MALAT1: variants seen among roughly 807,000 people sequenced by gnomAD.
The protein encoded by MALAT1 is metastasis associated lung adenocarcinoma transcript 1.
intron 3 of MALAT1, chr11:65,504,957 A>C (rs1168298295): frequency 1.9e-6 from 1 of 518,756 alleles, no homozygotes; most frequent in Admixed American, 1.9e-5. Flanking sequence ...TTCAGATGGT[A>C]TTCTTCAGAC....
chr11:65,498,681 G>T (rs201052755), intron 1 of MALAT1: 1 of 518,012 alleles, frequency 1.9e-6, no homozygotes, highest in Admixed American at 1.9e-5. Context: ...TCCTTCAAAA[G>T]GTGGTAAACT....
chr11:65,504,982 C>T (rs1172898306), intron 3 of MALAT1: 1 of 518,760 alleles, frequency 1.9e-6, no homozygotes, highest in East Asian at 5.4e-5. Context: ...GAAGGAGCTT[C>T]CAGTTGAATT....
At chr11:65,504,532 T>G in intron 3 of MALAT1, 2 of 518,986 alleles carry the variant, frequency 3.9e-6, no homozygotes, top group South Asian at 1.4e-5. Context: ...TGAGGAAATT[T>G]CTGCAGTTTT....
chr11:65,504,140 T>TC (rs778734152), intron 3 of MALAT1: 1 of 517,030 alleles, frequency 1.9e-6, no homozygotes, highest in East Asian at 5.4e-5. Flanking sequence ...CAGAGGCATT[T>TC]CATCCTTCAT....
At chr11:65,502,039 C>T in exon 3 of MALAT1, 1 of 516,738 alleles carries the variant, frequency 1.9e-6, no homozygotes, top group Non-Finnish European at 3.9e-6. Flanking sequence ...TTTTTCCCCC[C>T]AGTTTGAATT....
At chr11:65,500,976 T>A (rs1184355113) in exon 3 of MALAT1, 2 of 513,660 alleles carry the variant, frequency 3.9e-6, no homozygotes, top group Admixed American at 2.0e-5. Flanking sequence ...GACTGCCAAG[T>A]CCTGGAGAAA....
At chr11:65,500,187 TA>T (rs750482441) in exon 3 of MALAT1, 5 of 508,002 alleles carry the variant, frequency 9.8e-6, no homozygotes, top group Non-Finnish European at 2.0e-5. Flanking sequence ...TGGTGTAATT[TA>T]AAAAAAACTA....
exon 3 of MALAT1, chr11:65,498,996 A>C: frequency 1.9e-6 from 1 of 518,892 alleles, no homozygotes. Flanking sequence ...AATTCCGGTG[A>C]TGCGAGTTGT....
At chr11:65,498,240 AC>A in intron 1 of MALAT1, 1 of 518,820 alleles carries the variant, frequency 1.9e-6, no homozygotes, top group Non-Finnish European at 3.8e-6. Context: ...TTAAAAGGCC[AC>A]TTGAACTCGC....
chr11:65,503,134 A>G (rs771932551), exon 3 of MALAT1: 2 of 508,470 alleles, frequency 3.9e-6, no homozygotes, highest in African/African-American at 1.9e-5. Flanking sequence ...TCTCTTCGTT[A>G]TCAGAAGAGT....
chr11:65,501,249 A>C (rs1454346159), exon 3 of MALAT1: 1 of 515,260 alleles, frequency 1.9e-6, no homozygotes, highest in Admixed American at 2.0e-5. Context: ...GGTGGGGGCA[A>C]AATATGTTTT....
At chr11:65,498,089 G>C (rs1189892755) in intron 1 of MALAT1, 1 of 518,908 alleles carries the variant, frequency 1.9e-6, no homozygotes, top group East Asian at 5.4e-5. Context: ...TACCTAACCA[G>C]GCATAACACA....
intron 1 of MALAT1, chr11:65,498,420 T>A (rs544931115): frequency 1.9e-6 from 1 of 518,580 alleles, no homozygotes; most frequent in East Asian, 5.4e-5. Flanking sequence ...GGAGCAGCTC[T>A]GTGGTGTGGG....
exon 3 of MALAT1, chr11:65,503,825 A>T (rs368135030): frequency 1.9e-6 from 1 of 516,434 alleles, no homozygotes; most frequent in Admixed American, 2.0e-5. Context: ...TTTATTCTTC[A>T]TAAAGTGATG....
At chr11:65,504,969 A>G (rs938166454) in intron 3 of MALAT1, 4 of 518,740 alleles carry the variant, frequency 7.7e-6, no homozygotes, top group Admixed American at 3.9e-5. Flanking sequence ...TCTTCAGACT[A>G]TAGAAGGAGC....
exon 3 of MALAT1, chr11:65,502,021 A>C: frequency 1.9e-6 from 1 of 516,984 alleles, no homozygotes; most frequent in South Asian, 1.4e-5. Flanking sequence ...ACTCCCAATG[A>C]TTTAGTTTTT....
At chr11:65,506,310 A>T (rs1854696267) in exon 4 of MALAT1, 1 of 464,436 alleles carries the variant, frequency 2.2e-6, no homozygotes, top group Admixed American at 2.6e-5. Context: ...CTTGATGTAT[A>T]ATTTGTCAGG....
chr11:65,504,145 C>T (rs765194598), intron 3 of MALAT1: 1 of 516,562 alleles, frequency 1.9e-6, no homozygotes, highest in Non-Finnish European at 3.9e-6. Context: ...GCATTTCATC[C>T]TTCATGAAGC....
intron 1 of MALAT1, chr11:65,498,006 G>A (rs1296734471): frequency 1.9e-6 from 1 of 518,950 alleles, no homozygotes; most frequent in South Asian, 1.4e-5. Flanking sequence ...CTCAAACTCT[G>A]CAGTTTGGTC....
Sources: allele counts gnomAD v4.1 joint callset, GRCh38; gene constraint gnomAD v4.1.1; transcripts MANE v1.5; gene names NCBI Gene and HGNC (gene_info 2026-07-23, HGNC 2026-07-21).